The following ARHGEF12 variants were observed in gnomAD, a reference collection of about 807,000 sequenced individuals.
ARHGEF12 encodes the protein Rho guanine nucleotide exchange factor 12.
ARHGEF12 carries 66 observed loss-of-function variants against 211.2 expected under a neutral mutation model. The observed-to-expected ratio is 0.31, with a 90% CI of 0.26 to 0.38. The LOEUF (loss-of-function observed/expected upper bound fraction) is 0.38. ARHGEF12 is among the 10% of genes least tolerant of loss of function. The pLI, the probability that ARHGEF12 is intolerant of heterozygous loss-of-function variation, is 1.00. For missense variants in ARHGEF12, 1,429 were observed against 1,869.5 expected (o/e 0.76, Z 4.34); for synonymous variants, 592 against 638.4 (o/e 0.93, Z 1.09).
At chr11:120,369,055 C>T (rs1241617979) in intron 1 of ARHGEF12, among the ~76,000 whole-genome samples, 7 of 151,722 alleles carry the variant, frequency 4.6e-5, no homozygotes, top group African/African-American at 7.3e-5. Flanking sequence ...TGGCTGTCTC[C>T]AATGATAACA....
chr11:120,421,954 A>T, intron 6 of ARHGEF12, 102 bp downstream of exon 6: 2 of 844,750 alleles, frequency 2.4e-6, no homozygotes. Flanking sequence ...AAAGCATCAT[A>T]CTTCTATGTA....
chr11:120,337,771 G>C (rs1240309054), intron 1 of ARHGEF12: 3 of 985,242 alleles, frequency 3.0e-6, no homozygotes, highest in East Asian at 1.1e-4. Context: ...TGACCTGCAC[G>C]GTGTTTAATT....
At chr11:120,481,215 A>C (rs767193723) in intron 38 of ARHGEF12, 45 bp from the exon 39 acceptor site, 2 of 1,555,110 alleles carry the variant, frequency 1.3e-6, no homozygotes, top group East Asian at 4.5e-5. Flanking sequence ...TCTGTTTTCT[A>C]ATGGCAGCAC....
chr11:120,367,641 G>A (rs1016635090), intron 1 of ARHGEF12, among the ~76,000 whole-genome samples: 1 of 152,076 alleles, frequency 6.6e-6, no homozygotes, highest in African/African-American at 2.4e-5. Flanking sequence ...TGGGATTACA[G>A]GCGTGAGCCA....
At chr11:120,437,176 T>G (rs1945718084) in intron 11 of ARHGEF12, 132 bp from the exon 12 acceptor site, 1 of 557,486 alleles carries the variant, frequency 1.8e-6, no homozygotes, top group African/African-American at 1.9e-5. Flanking sequence ...GAACCAAGCA[T>G]TTTACGAAAG....
Position 120,482,611 on chromosome 11 carries a change from G to C in ARHGEF12, c.4554+1035G>C, listed in dbSNP as rs538491946. Among the ~76,000 whole-genome samples the C allele has an allele frequency of 1.4e-4, 21 of 152,148 alleles. No individual in the cohort carries two copies. The South Asian group carries it at 4.4e-3, about 32-fold the overall frequency. On this transcript the variant is annotated intron_variant, in intron 39 of 40. Coordinates refer to ENST00000397843, the MANE Select transcript of ARHGEF12 (RefSeq NM_015313.3). ...ATAAAAAAAATCAGCCAGGTGTGGTGGTGGGCGCCTGTAGTCCCAGCTACT... is the reference window on the plus strand; with the variant it reads ...ATAAAAAAAATCAGCCAGGTGTGGTCGTGGGCGCCTGTAGTCCCAGCTACT...
chr11:120,484,334 TTGTACCTGTAA>T, intron 39 of ARHGEF12, 93 bp from the exon 40 acceptor site: 1 of 930,112 alleles, frequency 1.1e-6, no homozygotes, highest in Middle Eastern at 2.3e-4. Flanking sequence ...ATTTGGGGGC[TTGTACCTGTAA>T]TGTAAAAAGG....
chr11:120,478,042 A>G, intron 36 of ARHGEF12, 114 bp from the exon 37 acceptor site: 2 of 709,582 alleles, frequency 2.8e-6, no homozygotes, highest in Non-Finnish European at 4.6e-6. Context: ...TTAACAGATG[A>G]TCTCTGTAGT....
intron 6 of ARHGEF12, among the ~76,000 whole-genome samples, chr11:120,423,030 C>A (rs1384980410): frequency 1.3e-5 from 2 of 151,838 alleles, no homozygotes. Flanking sequence ...GACCAGATAT[C>A]CTTAAATTTA....
At chr11:120,405,102 A>G (rs935598716) in intron 1 of ARHGEF12, among the ~76,000 whole-genome samples, 16 of 152,288 alleles carry the variant, frequency 1.1e-4, no homozygotes, top group African/African-American at 3.6e-4. Context: ...GTCAGCTTGT[A>G]TTTTGGAGGT....
chr11:120,408,775 T>G (rs527714929), intron 3 of ARHGEF12: 1 of 152,134 alleles, frequency 6.6e-6, no homozygotes, highest in Non-Finnish European at 1.5e-5. Flanking sequence ...AATCATTTTC[T>G]GCATTTTGGG....
At chr11:120,439,142 C>T (rs538661) in intron 12 of ARHGEF12, 56,298 of 152,002 alleles carry the variant, frequency 0.37, 12,047 homozygotes, top group East Asian at 0.64. Flanking sequence ...CCTGAGCTAC[C>T]GTGCCCAGCA....
intron 25 of ARHGEF12, 135 bp downstream of exon 25, chr11:120,458,369 A>G (rs2135889272): frequency 1.1e-6 from 1 of 940,654 alleles, no homozygotes; most frequent in Middle Eastern, 2.3e-4. Flanking sequence ...ATTAAACTGG[A>G]CAGATAATCC....
intron 1 of ARHGEF12, chr11:120,366,015 T>A (rs1480516254): frequency 6.6e-6 from 1 of 152,226 alleles, no homozygotes; most frequent in African/African-American, 2.4e-5. Context: ...CTTAACACTT[T>A]GGAAGGCCAA....
intron 8 of ARHGEF12, 114 bp from the exon 9 acceptor site, chr11:120,429,326 G>A (rs1410205668): frequency 9.5e-6 from 7 of 733,626 alleles, no homozygotes; most frequent in Non-Finnish European, 1.6e-5. Flanking sequence ...AAACCTAATA[G>A]GTATTGATAA....
chr11:120,462,713 C>A (rs1053348991), intron 27 of ARHGEF12: 1 of 152,086 alleles, frequency 6.6e-6, no homozygotes, highest in Admixed American at 6.6e-5. Context: ...CATAAATAGG[C>A]CTTTAGATTT....
intron 22 of ARHGEF12, among the ~76,000 whole-genome samples, chr11:120,454,609 T>A (rs545899646): frequency 6.6e-6 from 1 of 152,320 alleles, no homozygotes; most frequent in East Asian, 1.9e-4. Flanking sequence ...GCTGCGTGGG[T>A]CTCGGTTGGA....
rs777435312 is a variant in ARHGEF12, at chr11:120,447,850, A to T, written c.1590-24A>T. 4.0e-6 allele frequency: 6 copies of T among 1,505,412 alleles called. No homozygotes were observed. The African/African-American group carries it at 8.6e-5, about 21-fold the overall frequency. 93.3% of individuals were successfully genotyped at this position (1,505,412 alleles called of 1,614,324 possible). A position where few individuals can be genotyped will look rare whatever the true frequency, so the allele number is the denominator to read the frequency against. The stretch of plus-strand genomic sequence containing the variant: ...AATTAAACTTCCATATTTCATTTTT[A>T]AATTTTTTTTTCTTTTTTTTAAGGA... On this transcript the variant is annotated intron_variant, in intron 18 of 40. Coordinates refer to ENST00000397843, the MANE Select transcript of ARHGEF12 (RefSeq NM_015313.3).
rs1943995573 is a variant in ARHGEF12, at chr11:120,385,261, A to G, written c.33-20857A>G. On this transcript the variant is annotated intron_variant, in intron 1 of 40. Coordinates refer to ENST00000397843, the MANE Select transcript of ARHGEF12 (RefSeq NM_015313.3). Reference sequence around the variant, plus strand: ...GTGTTGGGCTTCGAATGATGATGGTAGATGATTGGGGGTGGGAGAAGAGGT... The same window carrying G: ...GTGTTGGGCTTCGAATGATGATGGTGGATGATTGGGGGTGGGAGAAGAGGT... 8 of 979,746 alleles carry G rather than the reference A, an allele frequency of 8.2e-6. No homozygotes were observed. The South Asian group carries it at 2.8e-4, about 35-fold the overall frequency. 60.7% of individuals were successfully genotyped at this position (979,746 alleles called of 1,614,324 possible).
Sources: allele counts gnomAD v4.1 joint callset (sites outside exome capture counted in the v4.1 genomes callset), GRCh38; gene constraint gnomAD v4.1.1; transcripts MANE v1.5; gene names NCBI Gene and HGNC (gene_info 2026-07-23, HGNC 2026-07-21).